The following CCDC149 variants were observed in gnomAD, a reference collection of about 807,000 sequenced individuals.
CCDC149 encodes coiled-coil domain containing 149, also known as coiled-coil domain-containing protein 149.
In CCDC149, 45 loss-of-function variants were observed where a neutral mutation model predicts 59.9. That is an observed-to-expected ratio of 0.75 (90% CI 0.59 to 0.96). The LOEUF (loss-of-function observed/expected upper bound fraction) is 0.96, where lower values mean the gene tolerates loss of function less well. CCDC149 is among the 40% of genes least tolerant of loss of function. CCDC149 has a pLI of 0.00. For synonymous variants in CCDC149, 245 were observed against 260.6 expected, an observed-to-expected ratio of 0.94 and a Z score of 0.58; for missense variants, 584 against 664.7, an observed-to-expected ratio of 0.88 and a Z score of 1.33.
intron 9 of CCDC149, chr4:24,828,104 T>C (rs1715880058): frequency 6.6e-6 from 1 of 152,110 alleles, no homozygotes; most frequent in Non-Finnish European, 1.5e-5. Flanking sequence ...AAATAAAACA[T>C]TTATTAAAAG....
intron 1 of CCDC149, among the ~76,000 whole-genome samples, chr4:24,970,147 T>C (rs1723916701): frequency 1.3e-5 from 2 of 152,196 alleles, no homozygotes; most frequent in African/African-American, 4.8e-5. Flanking sequence ...GTGCTTTACC[T>C]CCATCAGTAT....
At chr4:24,867,023 C>CT (rs1203971442) in intron 3 of CCDC149, among the ~76,000 whole-genome samples, 1 of 152,020 alleles carries the variant, frequency 6.6e-6, no homozygotes, top group Non-Finnish European at 1.5e-5. Flanking sequence ...CTCAAACAGT[C>CT]TAAGAATCGA....
At chr4:24,890,404 A>G (rs1720459363) in intron 1 of CCDC149, among the ~76,000 whole-genome samples, 1 of 152,196 alleles carries the variant, frequency 6.6e-6, no homozygotes. Context: ...GTGGGATTTG[A>G]ACCCAAGCCT....
upstream of CCDC149, among the ~76,000 whole-genome samples, chr4:24,915,073 C>G (rs773269583): frequency 9.9e-5 from 15 of 152,238 alleles, no homozygotes; most frequent in Admixed American, 7.2e-4. Context: ...GCTAAAGCTT[C>G]TGGTCTTCTG....
intron 3 of CCDC149, among the ~76,000 whole-genome samples, chr4:24,853,635 A>G (rs1717816344): frequency 1.3e-5 from 2 of 152,030 alleles, no homozygotes; most frequent in Non-Finnish European, 2.9e-5. Context: ...ATCACTAAAA[A>G]TCTGGAAAAA....
At chr4:24,813,600 A>G (rs1262544327) in intron 12 of CCDC149, among the ~76,000 whole-genome samples, 1 of 150,562 alleles carries the variant, frequency 6.6e-6, no homozygotes, top group African/African-American at 2.4e-5. Flanking sequence ...AACGTGTAAC[A>G]ATGTTCCTAC....
chr4:24,971,379 T>C (rs1361520809), intron 1 of CCDC149, among the ~76,000 whole-genome samples: 2 of 152,184 alleles, frequency 1.3e-5, no homozygotes, highest in African/African-American at 4.8e-5. Context: ...ATGACTGCAC[T>C]TTAGTCAGGA....
chr4:24,959,265 C>T (rs1350967933), intron 1 of CCDC149, among the ~76,000 whole-genome samples: 3 of 151,798 alleles, frequency 2.0e-5, no homozygotes, highest in African/African-American at 4.9e-5. Flanking sequence ...TGAGCCACTG[C>T]GCCCGGTCAA....
intron 1 of CCDC149, among the ~76,000 whole-genome samples, chr4:24,972,254 G>A (rs576711838): frequency 6.0e-5 from 9 of 150,448 alleles, no homozygotes; most frequent in Non-Finnish European, 8.8e-5. Flanking sequence ...CTTGTTTGCT[G>A]TGTTGATTGT....
intron 4 of CCDC149, among the ~76,000 whole-genome samples, chr4:24,845,776 T>C (rs919415760): frequency 1.3e-5 from 2 of 152,200 alleles, no homozygotes; most frequent in Non-Finnish European, 2.9e-5. Context: ...ATCCCCATTG[T>C]ACAGATGAGA....
chr4:24,805,621 C>G (rs1004157697), downstream of CCDC149, among the ~76,000 whole-genome samples: 7 of 152,162 alleles, frequency 4.6e-5, no homozygotes, highest in Non-Finnish European at 7.3e-5. Context: ...CTAAACAGAT[C>G]ATGGTAATAC....
In CCDC149 at chr4:24,948,349, C is replaced by T. The variant is rs989349582; in HGVS notation, c.-65+31720G>A. 7.9e-5 allele frequency among the ~76,000 whole-genome samples: 12 copies of T among 152,296 alleles called. No individual in the cohort carries two copies. In the East Asian group the frequency reaches 1.3e-3, roughly 17 times the overall value. Reference sequence around the variant, plus strand: ...AAATAAAAAGGTTGATGCAGAATAACGGCTTTCACAATGTTGGTTATCTTT... The same window carrying T: ...AAATAAAAAGGTTGATGCAGAATAATGGCTTTCACAATGTTGGTTATCTTT... On this transcript the variant is annotated intron_variant, in intron 1 of 12. Transcript: ENST00000389609.
chr4:24,912,890 G>C lies in CCDC149; in HGVS notation c.-11C>G. 1 of 1,342,832 alleles carries C rather than the reference G, an allele frequency of 7.4e-7. No individual in the cohort carries two copies. The highest frequency in any genetic ancestry group is 1.5e-5 in the South Asian group (1 of 66,396). 83.2% of individuals were successfully genotyped at this position (1,342,832 alleles called of 1,614,324 possible). ...GGCCTCCTCCTCCATGCGCTGGCCG[G>C]CCTCCTGGACCCCCGCCGCCTCCTC... On this transcript the variant is annotated 5_prime_UTR_variant, in exon 1 of 13. Coordinates refer to ENST00000635206, the MANE Select transcript of CCDC149 (RefSeq NM_001330643.2).
intron 3 of CCDC149, among the ~76,000 whole-genome samples, chr4:24,870,265 C>T (rs1450706655): frequency 6.6e-6 from 1 of 152,172 alleles, no homozygotes; most frequent in Non-Finnish European, 1.5e-5. Context: ...GTACCGGGTG[C>T]CCTGTATTTT....
rs921598767 is a variant in CCDC149 at position 24,912,798 on chromosome 4, G to C, written c.63+19C>G. On this transcript the variant is annotated intron_variant, in intron 1 of 12. Transcript: ENST00000635206. ...CGCTCGGCCCGGCCCATCCCGCCTGGCCGGCGCCGCGGCCTCACCTCGCTC... is the reference window on the plus strand; with the variant it reads ...CGCTCGGCCCGGCCCATCCCGCCTGCCCGGCGCCGCGGCCTCACCTCGCTC... The C allele has an allele frequency of 7.6e-7, 1 of 1,314,444 alleles. No homozygotes were observed. The highest frequency in any genetic ancestry group is 2.8e-5 in the Admixed American group (1 of 36,138). The allele number at this position is 1,314,444 out of a possible 1,614,324, so 81.4% of individuals were successfully genotyped here. A position where few individuals can be genotyped will look rare whatever the true frequency, so the allele number is the denominator to read the frequency against.
chr4:24,951,281 C>G (rs1055741920), intron 1 of CCDC149, among the ~76,000 whole-genome samples: 2 of 152,226 alleles, frequency 1.3e-5, no homozygotes, highest in Non-Finnish European at 2.9e-5. Flanking sequence ...AATCATGCAT[C>G]CCCTCTCATT....
chr4:24,847,635 G>A (rs530170492), intron 4 of CCDC149, among the ~76,000 whole-genome samples: 2 of 152,308 alleles, frequency 1.3e-5, no homozygotes, highest in East Asian at 1.9e-4. Context: ...ACAATTCGAT[G>A]AGAGGCATTA....
intron 3 of CCDC149, among the ~76,000 whole-genome samples, chr4:24,861,084 C>A (rs1718348156): frequency 6.6e-6 from 1 of 152,124 alleles, no homozygotes; most frequent in African/African-American, 2.4e-5. Flanking sequence ...AGTACATCTT[C>A]CATTTGATCC....
At chr4:24,810,743 A>G (rs1714547769) in intron 12 of CCDC149, among the ~76,000 whole-genome samples, 1 of 152,200 alleles carries the variant, frequency 6.6e-6, no homozygotes. Flanking sequence ...ATATTAAACG[A>G]TTCACACCAT....
Sources: gnomAD v4.1 joint callset for allele counts (sites outside exome capture counted in the v4.1 genomes callset) on GRCh38, gnomAD v4.1.1 for gene constraint, MANE v1.5 for transcripts, NCBI Gene and HGNC (gene_info 2026-07-23, HGNC 2026-07-21) for gene names.